The following DOHH variants were observed in gnomAD, a reference collection of about 807,000 sequenced individuals.
DOHH encodes HEAT-like (PBS lyase) repeat containing 1.
A neutral mutation model predicts 19.9 loss-of-function variants in DOHH; 16 were observed. That is an observed-to-expected ratio of 0.80 (90% confidence interval 0.54 to 1.22). DOHH has a LOEUF of 1.22. DOHH is among the 50% of genes most tolerant of loss of function. The probability of loss-of-function intolerance (pLI) is 0.00; values close to 1 mark genes in which losing one functional copy is unlikely to be tolerated. For missense variants in DOHH, 460 were observed against 460.6 expected, an observed-to-expected ratio of 1.00 and a Z score of 0.01; for synonymous variants, 233 against 217.0, an observed-to-expected ratio of 1.07 and a Z score of -0.65.
intron 1 of DOHH, among the ~76,000 whole-genome samples, chr19:3,498,994 T>C (rs2082929898): frequency 6.6e-6 from 1 of 151,566 alleles, no homozygotes; most frequent in African/African-American, 2.5e-5. Context: ...CAGTTACATG[T>C]AGATGGAGAG....
chr19:3,491,522 G>GCCGTCCGCGTACTGGAAGGCCC lies in DOHH; in HGVS notation c.857_878dup (p.Leu294GlyfsTer30). On this transcript the variant is annotated frameshift_variant, in exon 5 of 5. Transcript: ENST00000427575. LOFTEE classifies it high-confidence loss of function. The surrounding 1 kb of genome is among the most constrained non-coding windows in gnomAD (Gnocchi z 5.6). Reference sequence around the variant, plus strand: ...AGGGGGCCCCGCGCAGCTGCTCCAGGCCGTCCGCGTACTGGAAGGCCCGCC... The same window carrying GCCGTCCGCGTACTGGAAGGCCC: ...AGGGGGCCCCGCGCAGCTGCTCCAGGCCGTCCGCGTACTGGAAGGCCCCCGTCCGCGTACTGGAAGGCCCGCC... 4 of 1,535,248 alleles carry GCCGTCCGCGTACTGGAAGGCCC rather than the reference G, an allele frequency of 2.6e-6. No individual in the cohort carries two copies. Among genetic ancestry groups the GCCGTCCGCGTACTGGAAGGCCC allele is most frequent in the Non-Finnish European group, 3.5e-6 (4 of 1,146,580 alleles).
At chr19:3,493,408 G>A (rs1355732000) in intron 3 of DOHH, among the ~76,000 whole-genome samples, 1 of 152,228 alleles carries the variant, frequency 6.6e-6, no homozygotes, top group Non-Finnish European at 1.5e-5. Context: ...AGGAGATCGA[G>A]ACCATCCTGG....
intron 3 of DOHH, among the ~76,000 whole-genome samples, chr19:3,492,779 T>G (rs2082880687): frequency 6.6e-6 from 1 of 151,434 alleles, no homozygotes; most frequent in African/African-American, 2.4e-5. Flanking sequence ...GAAGCAGCGG[T>G]GGAAAGGCCC....
chr19:3,496,772 C>G lies in DOHH; in HGVS notation c.43G>C (p.Val15Leu), dbSNP rs778518630. The G allele has an allele frequency of 6.2e-7, 1 of 1,604,934 alleles. No homozygotes were observed. The highest frequency in any genetic ancestry group is 1.1e-5 in the South Asian group (1 of 90,932). The change falls in exon 2 of 5, where the codon GTG becomes CTG. Residue 15 changes from valine (V) to leucine (L), a missense_variant. Coordinates refer to ENST00000427575, the MANE Select transcript of DOHH (RefSeq NM_001145165.2). The surrounding 1 kb of genome is among the most constrained non-coding windows in gnomAD (Gnocchi z 4.8). ...GCCTGCAGGGGCTGCTTGGGGTCCA[C>G]CAGCGTCTGCCCGATGGCATCCACC... is the stretch of plus-strand genomic sequence containing the variant. ...QEVDAIGQTLVDPKQPLQARF... is the reference protein window; with the variant it reads ...QEVDAIGQTLLDPKQPLQARF...
In DOHH at chr19:3,491,135, CT is replaced by C; in HGVS notation, c.*356del. 2.8e-6 allele frequency: 1 copy of C among 355,842 alleles called. No individual in the cohort carries two copies. The highest frequency in any genetic ancestry group is 5.1e-6 in the Non-Finnish European group (1 of 195,748). 22.0% of individuals were successfully genotyped at this position (355,842 alleles called of 1,614,324 possible). A position where few individuals can be genotyped will look rare whatever the true frequency, so the allele number is the denominator to read the frequency against. ...CCCTGGCTTCCCTCGCGATCCTCCCCTGGCTTCCCTCGCGATCCTCCCCTGG... is the reference window on the plus strand; with the variant it reads ...CCCTGGCTTCCCTCGCGATCCTCCCCGGCTTCCCTCGCGATCCTCCCCTGG... On this transcript the variant is annotated 3_prime_UTR_variant, in exon 5 of 5. Coordinates refer to ENST00000427575, the MANE Select transcript of DOHH (RefSeq NM_001145165.2). This position sits in a 1 kb window ranked among gnomAD's most constrained non-coding sequence, Gnocchi z 5.6.
At position 3,491,593 on chromosome 19, in the gene DOHH, G is replaced by A. The variant is rs776356094; in HGVS notation, c.808C>T (p.Arg270Cys). The A allele has an allele frequency of 2.6e-6, 4 of 1,535,726 alleles. No homozygotes were observed. The highest frequency in any genetic ancestry group is 2.4e-5 in the East Asian group (1 of 40,902). The change falls in exon 5 of 5, where the codon CGT (arginine) becomes TGT (cysteine). Residue 270 changes from arginine (R) to cysteine (C), a missense_variant. Arg to Cys is a radical substitution (Grantham distance 180, BLOSUM62 -3). Coordinates refer to ENST00000427575, the MANE Select transcript of DOHH (RefSeq NM_001145165.2). The surrounding 1 kb of genome is among the most constrained non-coding windows in gnomAD (Gnocchi z 5.6). ...TCCAGAGCCACCTCGCAGCTCTCAC[G>A]CACCACGCGCTCTGGGTCGTCCGCG... ...AHADDPERVV[R>C]ESCEVALDMY... is the part of the protein sequence containing the mutation.
chr19:3,492,350 A>C lies in DOHH; in HGVS notation c.501T>G (p.Asp167Glu). The C allele has an allele frequency of 1.3e-6, 2 of 1,543,434 alleles. No individual in the cohort carries two copies. The highest frequency in any genetic ancestry group is 2.5e-5 in the East Asian group (1 of 40,470). The change falls in exon 4 of 5, where the codon GAT becomes GAG. Residue 167 changes from aspartate (D) to glutamate (E), a missense_variant. Physicochemically the swap from Asp to Glu is conservative, Grantham distance 45 (BLOSUM62 2). Coordinates refer to ENST00000427575, the MANE Select transcript of DOHH (RefSeq NM_001145165.2). ...DVGRLREALLDESRPLFERYR... is the reference protein window; with the variant it reads ...DVGRLREALLEESRPLFERYR... ...ATCGCTCGAAGAGCGGCCGGGACTC[A>C]TCCAGCAGCGCCTCCCGCAGGCGCC...
Position 3,491,304 on chromosome 19 carries a change from G to A in DOHH, c.*188C>T, listed in dbSNP as rs2082867486. The A allele has an allele frequency of 1.1e-5, 7 of 641,966 alleles. No individual in the cohort carries two copies. The highest frequency in any genetic ancestry group is 1.8e-5 in the Non-Finnish European group (7 of 381,178). The allele number at this position is 641,966 out of a possible 1,614,324, so 39.8% of individuals were successfully genotyped here. ...GCGCCAGGCCCCGAGGAGCAGTCAG[G>A]GGACTCAGGGAGTCACAGCACAACG... On this transcript the variant is annotated 3_prime_UTR_variant, in exon 5 of 5. Coordinates refer to ENST00000427575, the MANE Select transcript of DOHH (RefSeq NM_001145165.2). This position sits in a 1 kb window ranked among gnomAD's most constrained non-coding sequence, Gnocchi z 5.6.
rs1034143712 is a variant in DOHH at position 3,492,373 on chromosome 19, G to T, written c.478C>A (p.Arg160Ser). 3 of 1,539,144 alleles carry T rather than the reference G, an allele frequency of 1.9e-6. No homozygotes were observed. The highest frequency in any genetic ancestry group is 1.4e-5 in the African/African-American group (1 of 72,250). The change falls in exon 4 of 5, where the codon CGC becomes AGC. Residue 160 changes from arginine (R) to serine (S), a missense_variant. Arg to Ser is a moderately radical substitution (Grantham distance 110). Coordinates refer to ENST00000427575, the MANE Select transcript of DOHH (RefSeq NM_001145165.2). ...APPAEERDVG[R>S]LREALLDESR... is the part of the protein sequence containing the mutation. ...TCATCCAGCAGCGCCTCCCGCAGGC[G>T]CCCCACGTCACGCTCCTCAGCCGGC... is the stretch of plus-strand genomic sequence containing the variant.
rs1274323651 is a variant in DOHH, at chr19:3,496,913, T to A, written c.-72-27A>T. The A allele has an allele frequency of 1.5e-6, 2 of 1,360,084 alleles. No homozygotes were observed. Among genetic ancestry groups the A allele is most frequent in the Non-Finnish European group, 1.9e-6 (2 of 1,049,728 alleles). The allele number at this position is 1,360,084 out of a possible 1,614,324, so 84.3% of individuals were successfully genotyped here. A position where few individuals can be genotyped will look rare whatever the true frequency, so the allele number is the denominator to read the frequency against. On this transcript the variant is annotated intron_variant, in intron 1 of 4. Coordinates refer to ENST00000427575, the MANE Select transcript of DOHH (RefSeq NM_001145165.2). This position sits in a 1 kb window ranked among gnomAD's most constrained non-coding sequence, Gnocchi z 4.8. ...TGTGGCAGAAAAATGAGAGCCCAGG[T>A]TAGAAGCCCCCTTCACCAGTGCGTT... is the stretch of plus-strand genomic sequence containing the variant.
At chr19:3,499,828 T>C (rs971084868) in intron 1 of DOHH, among the ~76,000 whole-genome samples, 2 of 152,172 alleles carry the variant, frequency 1.3e-5, no homozygotes, top group Non-Finnish European at 2.9e-5. Flanking sequence ...GACACTTATG[T>C]AGCATTTGCT....
chr19:3,494,247 G>A (rs949679739), intron 2 of DOHH, 143 bp from the exon 3 acceptor site: 5 of 681,510 alleles, frequency 7.3e-6, no homozygotes, highest in Non-Finnish European at 1.2e-5. Context: ...GATTGGAGCA[G>A]CAGTCGGTAC....
Position 3,500,639 on chromosome 19 carries a change from A to G in DOHH, c.-151T>C, listed in dbSNP as rs866946754. 15 of 152,282 alleles carry G rather than the reference A, an allele frequency of 9.9e-5. No individual in the cohort carries two copies. Among genetic ancestry groups the G allele is most frequent in the African/African-American group, 3.4e-4 (14 of 41,460 alleles). The allele number at this position is 152,282 out of a possible 1,614,324, so 9.4% of individuals were successfully genotyped here. On this transcript the variant is annotated 5_prime_UTR_variant, in exon 1 of 5. Transcript: ENST00000427575. ...TGCCACCACCGCTTCACCTGCCGCG[A>G]CGCCCGCAGTGCGGTCTGGGGGCCG...
rs2082865608 is a variant in DOHH at position 3,491,089 on chromosome 19, T to TGGCTCCCCTCGCGATCCTCCCC, written c.*402_*403insGGGGAGGATCGCGAGGGGAGCC. 7 of 190,792 alleles carry TGGCTCCCCTCGCGATCCTCCCC rather than the reference T, an allele frequency of 3.7e-5. No individual in the cohort carries two copies. Among genetic ancestry groups the TGGCTCCCCTCGCGATCCTCCCC allele is most frequent in the African/African-American group, 2.3e-4 (6 of 26,552 alleles). The allele number at this position is 190,792 out of a possible 1,614,324, so 11.8% of individuals were successfully genotyped here. A position where few individuals can be genotyped will look rare whatever the true frequency, so the allele number is the denominator to read the frequency against. ...CCCTGGCTCCCCTCGCGATCCTCCC[T>TGGCTCCCCTCGCGATCCTCCCC]TGGCTTCCCTCGCGATCCTCCCCTG... On this transcript the variant is annotated 3_prime_UTR_variant, in exon 5 of 5. Transcript: ENST00000427575. The surrounding 1 kb of genome is among the most constrained non-coding windows in gnomAD (Gnocchi z 5.6).
chr19:3,492,279 G>A lies in DOHH; in HGVS notation c.572C>T (p.Ala191Val), dbSNP rs754086898. Residue 191 changes from alanine to valine, a missense_variant, in exon 4 of 5, where the codon GCC (alanine) becomes GTC (valine). Coordinates refer to ENST00000427575, the MANE Select transcript of DOHH (RefSeq NM_001145165.2). ...CTCCTCACCCTCGGCCAGCGCCAGG[G>A]CGGCCTCCTCGCCTCCCGCGTTGCG... ...ALRNAGGEEA[A>V]LALAEGLHCG... The A allele has an allele frequency of 2.9e-5, 43 of 1,493,902 alleles. No individual in the cohort carries two copies. Among genetic ancestry groups the A allele is most frequent in the South Asian group, 4.0e-5 (3 of 75,208 alleles). The allele number at this position is 1,493,902 out of a possible 1,614,324, so 92.5% of individuals were successfully genotyped here.
At chr19:3,494,196 G>T in intron 2 of DOHH, 92 bp from the exon 3 acceptor site, 1 of 1,155,920 alleles carries the variant, frequency 8.7e-7, no homozygotes, top group South Asian at 1.4e-5. Context: ...CCCCTCCCAG[G>T]GCTCTGCCAC....
chr19:3,497,518 G>A (rs896636414), intron 1 of DOHH, among the ~76,000 whole-genome samples: 3 of 152,308 alleles, frequency 2.0e-5, no homozygotes, highest in Admixed American at 6.5e-5. Context: ...GCCCCAGAGC[G>A]TCTCCACTGA....
rs2082872995 is a variant in DOHH, at chr19:3,491,958, C to T, written c.590-147G>A. The T allele has an allele frequency of 7.2e-6, 7 of 973,176 alleles. No individual in the cohort carries two copies. Among genetic ancestry groups the T allele is most frequent in the Admixed American group, 3.6e-5 (1 of 27,558 alleles). The allele number at this position is 973,176 out of a possible 1,614,324, so 60.3% of individuals were successfully genotyped here. A position where few individuals can be genotyped will look rare whatever the true frequency, so the allele number is the denominator to read the frequency against. ...ATCCCGGCCTCCCAAAGTGCTGGGA[C>T]GACAGGCGTGAGCCACCACGCCCAA... On this transcript the variant is annotated intron_variant, in intron 4 of 4. Transcript: ENST00000427575. The surrounding 1 kb of genome is among the most constrained non-coding windows in gnomAD (Gnocchi z 5.6).
chr19:3,492,227 C>T, intron 4 of DOHH, 35 bp downstream of exon 4: 2 of 1,423,646 alleles, frequency 1.4e-6, no homozygotes, highest in African/African-American at 1.5e-5. Context: ...CAGCGAGGCA[C>T]TGCCCAGGAC....
Sources: gnomAD v4.1 joint callset for allele counts (sites outside exome capture counted in the v4.1 genomes callset) on GRCh38, gnomAD v4.1.1 for gene constraint, Gnocchi (gnomAD v3.1) non-coding constraint, MANE v1.5 for transcripts, NCBI Gene and HGNC (gene_info 2026-07-23, HGNC 2026-07-21) for gene names.